Variants in ENTREP2 observed in about 807,000 individuals in gnomAD.
ENTREP2 encodes endosomal transmembrane epsin interactor 2.
the ENTREP2 span, chr15:29,128,712 A>G: frequency 6.6e-6 from 7 of 1,060,198 alleles, no homozygotes; most frequent in South Asian, 4.1e-5. Context: ...AAGAGAAGAG[A>G]ATAGGACGAG....
the ENTREP2 span, among the ~76,000 whole-genome samples, chr15:29,226,864 A>G: frequency 6.6e-6 from 1 of 152,248 alleles, no homozygotes; most frequent in Admixed American, 6.5e-5. Context: ...TGTGGTCCTG[A>G]CAGATTCAGC....
the ENTREP2 span, among the ~76,000 whole-genome samples, chr15:29,238,865 AG>A: frequency 1.3e-5 from 2 of 152,108 alleles, no homozygotes; most frequent in Admixed American, 1.3e-4. Context: ...GACAGCTCCA[AG>A]AAGCATGGTG....
At chr15:29,159,233 C>T in the ENTREP2 span, among the ~76,000 whole-genome samples, 4,629 of 151,906 alleles carry the variant, frequency 0.03, 245 homozygotes, top group African/African-American at 0.11. Flanking sequence ...CACAGACCTC[C>T]GCGGTGAGTG....
the ENTREP2 span, among the ~76,000 whole-genome samples, chr15:29,223,035 T>C: frequency 6.6e-6 from 1 of 152,168 alleles, no homozygotes; most frequent in African/African-American, 2.4e-5. Flanking sequence ...TGGTCAGTCC[T>C]TAACAAATTA....
At chr15:29,204,125 C>T in the ENTREP2 span, among the ~76,000 whole-genome samples, 4 of 152,126 alleles carry the variant, frequency 2.6e-5, no homozygotes, top group Admixed American at 2.0e-4. Context: ...GGTGTGCAGG[C>T]GGCTGACAGA....
At chr15:29,531,858 G>A in the ENTREP2 span, among the ~76,000 whole-genome samples, 1 of 152,158 alleles carries the variant, frequency 6.6e-6, no homozygotes, top group African/African-American at 2.4e-5. Flanking sequence ...TAGAGATGGG[G>A]TTTCACTATG....
chr15:29,235,452 A>G, the ENTREP2 span, among the ~76,000 whole-genome samples: 1 of 152,230 alleles, frequency 6.6e-6, no homozygotes, highest in African/African-American at 2.4e-5. Context: ...GAGAGTCTCT[A>G]AACATGTGAA....
chr15:29,374,177 A>G, the ENTREP2 span: 2 of 152,212 alleles, frequency 1.3e-5, no homozygotes, highest in African/African-American at 4.8e-5. Flanking sequence ...TCTCACAGAA[A>G]AAATATGTAC....
chr15:29,253,432 G>A, the ENTREP2 span, among the ~76,000 whole-genome samples: 1 of 149,962 alleles, frequency 6.7e-6, no homozygotes, highest in Non-Finnish European at 1.5e-5. Flanking sequence ...ATCAATAAAA[G>A]GCAAATATTG....
At chr15:29,550,329 T>G in the ENTREP2 span, among the ~76,000 whole-genome samples, 1 of 152,144 alleles carries the variant, frequency 6.6e-6, no homozygotes, top group South Asian at 2.1e-4. Context: ...TGATCACCAA[T>G]GAGCAAGTCC....
the ENTREP2 span, among the ~76,000 whole-genome samples, chr15:29,628,538 ATGG>A: frequency 6.6e-6 from 1 of 152,176 alleles, no homozygotes; most frequent in African/African-American, 2.4e-5. Context: ...ATGTTGATTG[ATGG>A]TGATGTTCAG....
the ENTREP2 span, among the ~76,000 whole-genome samples, chr15:29,629,866 C>T: frequency 1.4e-4 from 22 of 152,256 alleles, no homozygotes; most frequent in Middle Eastern, 3.4e-3. Context: ...CCTGTAATCC[C>T]AGCACTTCAG....
the ENTREP2 span, among the ~76,000 whole-genome samples, chr15:29,181,005 A>C: frequency 6.6e-6 from 1 of 152,140 alleles, no homozygotes; most frequent in Non-Finnish European, 1.5e-5. Flanking sequence ...GACAAGATCA[A>C]TAAATATTAA....
At chr15:29,156,439 C>G in the ENTREP2 span, among the ~76,000 whole-genome samples, 6 of 152,200 alleles carry the variant, frequency 3.9e-5, no homozygotes, top group African/African-American at 1.4e-4. Context: ...CCACCCTCCT[C>G]GGCCTCCCAA....
chr15:29,333,495 G>C, the ENTREP2 span, among the ~76,000 whole-genome samples: 1 of 152,116 alleles, frequency 6.6e-6, no homozygotes, highest in Non-Finnish European at 1.5e-5. Context: ...TGTGCACACA[G>C]TACCTGCATG....
At chr15:29,408,109 G>C in the ENTREP2 span, among the ~76,000 whole-genome samples, 1 of 152,166 alleles carries the variant, frequency 6.6e-6, no homozygotes. Context: ...TTTTGTCTCA[G>C]AACTTTTTAG....
At chr15:29,355,250 C>T in the ENTREP2 span, among the ~76,000 whole-genome samples, 2 of 152,162 alleles carry the variant, frequency 1.3e-5, no homozygotes, top group East Asian at 3.9e-4. Flanking sequence ...AATAGTCACC[C>T]CATTAAACTC....
the ENTREP2 span, among the ~76,000 whole-genome samples, chr15:29,469,500 G>A: frequency 5.7e-4 from 87 of 152,188 alleles, no homozygotes; most frequent in African/African-American, 1.9e-3. Context: ...ACTCCCAGCC[G>A]CATGACTGCA....
At chr15:29,396,942 A>T in the ENTREP2 span, among the ~76,000 whole-genome samples, 1 of 152,228 alleles carries the variant, frequency 6.6e-6, no homozygotes, top group Non-Finnish European at 1.5e-5. Context: ...GATAATTGTT[A>T]AATGTAAATA....
Sources: allele counts gnomAD v4.1 joint callset (sites outside exome capture counted in the v4.1 genomes callset), GRCh38; gene constraint gnomAD v4.1.1; transcripts MANE v1.5; gene names NCBI Gene and HGNC (gene_info 2026-07-23, HGNC 2026-07-21).